Variants in C8orf34 observed in about 807,000 individuals in gnomAD.
C8orf34 encodes uncharacterized protein C8orf34.
Under a neutral mutation model 68.3 loss-of-function variants are expected in C8orf34, and 65 were observed. The ratio of observed to expected loss-of-function variants is 0.95; its 90% CI spans 0.78 to 1.17. The LOEUF is 1.17. C8orf34 is among the 50% of genes most tolerant of loss of function. The pLI is 0.00. For missense variants in C8orf34, 664 were observed against 655.4 expected (o/e 1.01, Z -0.14); for synonymous variants, 244 against 241.2 (o/e 1.01, Z -0.11).
At chr8:68,779,858 G>T (rs1015862055) in intron 11 of C8orf34, among the ~76,000 whole-genome samples, 1 of 151,828 alleles carries the variant, frequency 6.6e-6, no homozygotes, top group African/African-American at 2.4e-5. Flanking sequence ...CTTTTTTCAA[G>T]AAAATCCTAT....
At chr8:68,814,154 C>T (rs774411253) in intron 12 of C8orf34, among the ~76,000 whole-genome samples, 1 of 152,148 alleles carries the variant, frequency 6.6e-6, no homozygotes, top group Admixed American at 6.6e-5. Context: ...CTACACTGAA[C>T]AGTGATGCTC....
At chr8:68,422,059 G>A (rs998753691) in intron 1 of C8orf34, among the ~76,000 whole-genome samples, 2 of 152,132 alleles carry the variant, frequency 1.3e-5, no homozygotes, top group African/African-American at 4.8e-5. Flanking sequence ...GGATTATGGG[G>A]ATTACAATTC....
rs910119813 is a variant in C8orf34 at position 68,343,545 on chromosome 8, C to G, written c.327+12206C>G. Among the ~76,000 whole-genome samples, 7 of 151,916 alleles carry G rather than the reference C, an allele frequency of 4.6e-5. No individual in the cohort carries two copies. In the East Asian group the frequency reaches 1.4e-3, roughly 29 times the overall value. On this transcript the variant is annotated intron_variant, in intron 1 of 13. Coordinates refer to ENST00000518698, the MANE Select transcript of C8orf34 (RefSeq NM_052958.4). ...ACTCAAGAGATCCTCCCAACTTAGC[C>G]TCCCAAGTAGCTGGGACTGCAGGCA...
Position 68,798,550 on chromosome 8 carries a change from T to C in C8orf34, c.1549+11014T>C, listed in dbSNP as rs961486339. On this transcript the variant is annotated intron_variant, in intron 12 of 13. Coordinates refer to ENST00000518698, the MANE Select transcript of C8orf34 (RefSeq NM_052958.4). Reference sequence around the variant, plus strand: ...TATCTGCATATTTGTTATGCTACTATCATAAATATTTTAGGATTGATCTTT... The same window carrying C: ...TATCTGCATATTTGTTATGCTACTACCATAAATATTTTAGGATTGATCTTT... 2.0e-4 allele frequency among the ~76,000 whole-genome samples: 31 copies of C among 152,178 alleles called. 1 individual carries two copies.
At chr8:68,330,811 A>G, upstream of C8orf34, 1 of 489,272 alleles carries the variant, frequency 2.0e-6, no homozygotes, top group Non-Finnish European at 3.5e-6. Flanking sequence ...ACACACACGC[A>G]CGCACGCACA....
intron 3 of C8orf34, among the ~76,000 whole-genome samples, chr8:68,461,734 C>A (rs1462924632): frequency 6.6e-6 from 1 of 152,140 alleles, no homozygotes; most frequent in Non-Finnish European, 1.5e-5. Context: ...TACAGACAAG[C>A]AAATGCTGAA....
intron 7 of C8orf34, among the ~76,000 whole-genome samples, chr8:68,589,651 G>GA (rs1817319535): frequency 7.2e-6 from 1 of 138,154 alleles, no homozygotes; most frequent in Non-Finnish European, 1.5e-5. Context: ...GAAGAGAGGA[G>GA]GAAGGAAAGG....
intron 10 of C8orf34, among the ~76,000 whole-genome samples, chr8:68,732,840 A>G (rs1822015256): frequency 6.6e-6 from 1 of 152,228 alleles, no homozygotes; most frequent in African/African-American, 2.4e-5. Context: ...AGGCAGACAG[A>G]TCACCTGAGG....
intron 10 of C8orf34, among the ~76,000 whole-genome samples, chr8:68,721,694 A>G (rs1585781021): frequency 1.3e-5 from 2 of 152,030 alleles, no homozygotes; most frequent in East Asian, 3.9e-4. Context: ...AAGTTTAACT[A>G]TACTTACCTT....
At chr8:68,677,369 C>CT (rs1376716842) in intron 8 of C8orf34, among the ~76,000 whole-genome samples, 2 of 150,864 alleles carry the variant, frequency 1.3e-5, no homozygotes, top group African/African-American at 4.9e-5. Flanking sequence ...CTTTTTTTTT[C>CT]TTTTTTTAAG....
chr8:68,446,630 A>G (rs994890610), intron 3 of C8orf34, 170 bp downstream of exon 3: 2 of 637,712 alleles, frequency 3.1e-6, no homozygotes, highest in Non-Finnish European at 5.2e-6. Context: ...ATTCATACGT[A>G]TGTATTTGCT....
intron 1 of C8orf34, among the ~76,000 whole-genome samples, chr8:68,351,020 A>G (rs1232409275): frequency 6.6e-6 from 1 of 151,724 alleles, no homozygotes. Flanking sequence ...GCTGGTTATT[A>G]TGTTGGCTTG....
chr8:68,371,199 C>A (rs1807545485), intron 1 of C8orf34, among the ~76,000 whole-genome samples: 1 of 152,312 alleles, frequency 6.6e-6, no homozygotes, highest in South Asian at 2.1e-4. Flanking sequence ...TAACAGGTTC[C>A]CATTCTTTCT....
At chr8:68,400,401 A>C (rs187499761) in intron 1 of C8orf34, among the ~76,000 whole-genome samples, 3 of 147,584 alleles carry the variant, frequency 2.0e-5, no homozygotes, top group Non-Finnish European at 4.6e-5. Flanking sequence ...CAATTTCCCC[A>C]GCACTATTTA....
intron 3 of C8orf34, chr8:68,447,516 A>T (rs963692279): frequency 1.6e-4 from 24 of 152,192 alleles, no homozygotes; most frequent in African/African-American, 5.1e-4. Context: ...AAGAAAAGAG[A>T]ACTTGCAAGC....
At chr8:68,773,690 G>A (rs563016613) in intron 10 of C8orf34, among the ~76,000 whole-genome samples, 3 of 152,120 alleles carry the variant, frequency 2.0e-5, no homozygotes, top group East Asian at 1.9e-4. Context: ...CGGCCCCTCC[G>A]AGAGTCTTTT....
chr8:68,504,644 C>G (rs184233287), intron 5 of C8orf34, among the ~76,000 whole-genome samples: 1 of 151,746 alleles, frequency 6.6e-6, no homozygotes, highest in Non-Finnish European at 1.5e-5. Flanking sequence ...CTCAGCCTCC[C>G]GAATAGCTGG....
At chr8:68,626,002 A>T (rs1818528362) in intron 7 of C8orf34, among the ~76,000 whole-genome samples, 1 of 152,172 alleles carries the variant, frequency 6.6e-6, no homozygotes, top group Non-Finnish European at 1.5e-5. Flanking sequence ...ATGTTGCTTG[A>T]TGCATTGAAA....
intron 5 of C8orf34, among the ~76,000 whole-genome samples, chr8:68,491,166 T>C (rs1444925233): frequency 6.6e-6 from 1 of 152,126 alleles, no homozygotes; most frequent in African/African-American, 2.4e-5. Context: ...TTGTGAACTC[T>C]GAGAAAGGTA....
Sources: allele counts gnomAD v4.1 joint callset (sites outside exome capture counted in the v4.1 genomes callset), GRCh38; gene constraint gnomAD v4.1.1; transcripts MANE v1.5; gene names NCBI Gene and HGNC (gene_info 2026-07-23, HGNC 2026-07-21).